The following PLAAT5 variants were observed in gnomAD, a reference collection of about 807,000 sequenced individuals.
PLAAT5 encodes the protein Ca(2+)-independent N-acyltransferase.
Under a neutral mutation model 27.8 loss-of-function variants are expected in PLAAT5, and 27 were observed. That is an observed-to-expected ratio of 0.97 (90% CI 0.72 to 1.34). The LOEUF (loss-of-function observed/expected upper bound fraction) is 1.34, where lower values mean the gene tolerates loss of function less well. Ranked by LOEUF, PLAAT5 falls within the 40% of genes most tolerant of loss-of-function variation. The pLI, the probability that PLAAT5 is intolerant of heterozygous loss-of-function variation, is 0.00. For missense variants in PLAAT5, 368 were observed against 343.8 expected, an observed-to-expected ratio of 1.07 and a Z score of -0.56; for synonymous variants, 125 against 136.1, an observed-to-expected ratio of 0.92 and a Z score of 0.57.
chr11:63,468,400 G>C lies in PLAAT5; in HGVS notation c.411C>G (p.Ala137=). 3 of 1,614,128 alleles carry C rather than the reference G, an allele frequency of 1.9e-6. No individual in the cohort carries two copies. Among genetic ancestry groups the C allele is most frequent in the Non-Finnish European group, 2.5e-6 (3 of 1,179,984 alleles). Reference sequence around the variant, plus strand: ...CCACGCAATCATCTTCTACATAGATGGCCCAGTGCTCATAGCCAATTCGAA... The same window carrying C: ...CCACGCAATCATCTTCTACATAGATCGCCCAGTGCTCATAGCCAATTCGAA... ...EIFRIGYEHW[A]IYVEDDCVVH... The change falls in exon 4 of 6, where the codon GCC becomes GCG. Residue 137 remains alanine, a synonymous_variant. Coordinates refer to ENST00000540857, the MANE Select transcript of PLAAT5 (RefSeq NM_001146729.2).
chr11:63,463,058 A>C lies in PLAAT5; in HGVS notation c.*445T>G, dbSNP rs1433420529. ...GTGGGTCGAAAAGGGCAGGATTATC[A>C]TAAATGGAAAGAAGCTAGAGACATT... On this transcript the variant is annotated 3_prime_UTR_variant, in exon 6 of 6. Transcript: ENST00000540857. 6.3e-6 allele frequency: 1 copy of C among 159,660 alleles called. No individual in the cohort carries two copies. The highest frequency in any genetic ancestry group is 1.8e-4 in the East Asian group (1 of 5,696). 9.9% of individuals were successfully genotyped at this position (159,660 alleles called of 1,614,324 possible).
chr11:63,490,353 G>T lies in PLAAT5; in HGVS notation c.149-20C>A, dbSNP rs1156270351. The T allele has an allele frequency of 1.2e-5, 20 of 1,614,124 alleles. No homozygotes were observed. The highest frequency in any genetic ancestry group is 1.7e-5 in the Non-Finnish European group (20 of 1,180,024). On this transcript the variant is annotated intron_variant, in intron 1 of 5. Transcript: ENST00000540857. ...ATTCTTCTAATTCAAGGGGGGAAATGCTATTTAGACCTGTGAAAGGAGAGT... is the reference window on the plus strand; with the variant it reads ...ATTCTTCTAATTCAAGGGGGGAAATTCTATTTAGACCTGTGAAAGGAGAGT...
chr11:63,473,571 A>G (rs2016081298), intron 3 of PLAAT5, among the ~76,000 whole-genome samples: 1 of 152,136 alleles, frequency 6.6e-6, no homozygotes, highest in Non-Finnish European at 1.5e-5. Context: ...CAAGTTGAGG[A>G]AACTCCCTTT....
intron 3 of PLAAT5, among the ~76,000 whole-genome samples, chr11:63,474,346 A>T (rs1005647950): frequency 6.6e-6 from 1 of 152,176 alleles, no homozygotes; most frequent in African/African-American, 2.4e-5. Context: ...TTTCTTTGTG[A>T]AAAGATTTTT....
chr11:63,476,146 C>T (rs1025638827), intron 3 of PLAAT5, among the ~76,000 whole-genome samples: 1 of 152,096 alleles, frequency 6.6e-6, no homozygotes, highest in East Asian at 1.9e-4. Flanking sequence ...TCATTTCAGT[C>T]CCTCTCCTTT....
Position 63,466,234 on chromosome 11 carries a change from G to A in PLAAT5, c.593C>T (p.Pro198Leu), listed in dbSNP as rs80217781. 61 of 1,614,054 alleles carry A rather than the reference G, an allele frequency of 3.8e-5. No individual in the cohort carries two copies. The highest frequency in any genetic ancestry group is 6.6e-5 in the South Asian group (6 of 91,074). ...TGTACGCTGGATGATCTTGTCCACC[G>A]GCAAGGGCAGGTACGTCCCATCTAG... ...NKLDGTYLPL[P>L]VDKIIQRTKK... The change falls in exon 5 of 6, where the codon CCG becomes CTG. Residue 198 changes from proline to leucine, a missense_variant. By Grantham distance (98) the Pro-to-Leu change is moderately conservative. Coordinates refer to ENST00000540857, the MANE Select transcript of PLAAT5 (RefSeq NM_001146729.2).
chr11:63,476,148 C>G (rs868112859), intron 3 of PLAAT5, among the ~76,000 whole-genome samples: 21 of 152,028 alleles, frequency 1.4e-4, no homozygotes, highest in African/African-American at 4.6e-4. Flanking sequence ...ATTTCAGTCC[C>G]TCTCCTTTGT....
chr11:63,471,358 G>A (rs1219805344), intron 3 of PLAAT5, among the ~76,000 whole-genome samples: 1 of 152,134 alleles, frequency 6.6e-6, no homozygotes, highest in African/African-American at 2.4e-5. Context: ...TAATTACAAA[G>A]TATTTGTTTT....
chr11:63,463,266 A>G lies in PLAAT5; in HGVS notation c.*237T>C, dbSNP rs2120192908. On this transcript the variant is annotated 3_prime_UTR_variant, in exon 6 of 6. Transcript: ENST00000540857. ...GATCCGTATATGAAATGCCTAGCAC[A>G]GTGCCTGGCGCATAAGAGATACACA... 3.7e-6 allele frequency: 2 copies of G among 546,226 alleles called. No individual in the cohort carries two copies. 33.8% of individuals were successfully genotyped at this position (546,226 alleles called of 1,614,324 possible).
chr11:63,466,297 T>A lies in PLAAT5; in HGVS notation c.530A>T (p.Asp177Val). Residue 177 changes from aspartate (D) to valine (V), a missense_variant, in exon 5 of 6, where the codon GAT becomes GTT. Physicochemically the swap from Asp to Val is radical, Grantham distance 152. Coordinates refer to ENST00000540857, the MANE Select transcript of PLAAT5 (RefSeq NM_001146729.2). Reference protein sequence around the residue: ...RAVVKYSRLEDVLHGCSWKVN... With the variant: ...RAVVKYSRLEVVLHGCSWKVN... ...CTTCCAGGAGCAGCCATGCAGCACA[T>A]CCTCCAGACGACTGTATTTCACCAC... The A allele has an allele frequency of 1.2e-6, 2 of 1,614,100 alleles. No individual in the cohort carries two copies. The highest frequency in any genetic ancestry group is 2.2e-5 in the South Asian group (2 of 91,082).
chr11:63,471,478 G>A (rs764161542), intron 3 of PLAAT5, among the ~76,000 whole-genome samples: 4 of 152,080 alleles, frequency 2.6e-5, no homozygotes, highest in Non-Finnish European at 5.9e-5. Flanking sequence ...ATCCATTATT[G>A]TTGCATCAGA....
chr11:63,490,895 G>A lies in PLAAT5; in HGVS notation c.140C>T (p.Pro47Leu). The change falls in exon 1 of 6, where the codon CCC becomes CTC. Residue 47 changes from proline (P) to leucine (L), a missense_variant. Physicochemically the swap from Pro to Leu is moderately conservative, Grantham distance 98. Transcript: ENST00000540857. ...QPPALRRSAV[P>L]HSEESVGFAA... is the part of the protein sequence containing the mutation. ...GCATTCTTGGGGCTGACCTGAGTGG[G>A]GCACAGCTGAACGTCTGAGCGCAGG... The A allele has an allele frequency of 6.2e-7, 1 of 1,604,864 alleles. No individual in the cohort carries two copies. Among genetic ancestry groups the A allele is most frequent in the South Asian group, 1.1e-5 (1 of 89,964 alleles).
intron 3 of PLAAT5, among the ~76,000 whole-genome samples, chr11:63,475,472 G>A (rs1037005324): frequency 1.2e-4 from 18 of 151,860 alleles, no homozygotes; most frequent in African/African-American, 1.7e-4. Context: ...CTCCTGCTAC[G>A]GCTACTGTTT....
intron 3 of PLAAT5, among the ~76,000 whole-genome samples, chr11:63,481,166 G>A (rs1189267819): frequency 1.3e-5 from 2 of 152,194 alleles, no homozygotes; most frequent in Non-Finnish European, 2.9e-5. Context: ...TGGGCTGGGT[G>A]TGGTGGCTCA....
intron 3 of PLAAT5, among the ~76,000 whole-genome samples, chr11:63,477,353 GT>G (rs1177590167): frequency 6.6e-6 from 1 of 152,146 alleles, no homozygotes; most frequent in Non-Finnish European, 1.5e-5. Context: ...GCGGACGGTT[GT>G]TGCTGTTTGC....
At chr11:63,471,282 C>G (rs1333054719) in intron 3 of PLAAT5, among the ~76,000 whole-genome samples, 1 of 152,082 alleles carries the variant, frequency 6.6e-6, no homozygotes, top group Non-Finnish European at 1.5e-5. Flanking sequence ...TAATTCAAAG[C>G]CAAAACTGTC....
At chr11:63,468,152 C>G (rs1376404562) in intron 4 of PLAAT5, among the ~76,000 whole-genome samples, 1 of 152,222 alleles carries the variant, frequency 6.6e-6, no homozygotes, top group Non-Finnish European at 1.5e-5. Context: ...GCTCTTTACA[C>G]TTGTATCACT....
chr11:63,464,636 ACAGAGCAAGACT>A (rs1465212642), intron 5 of PLAAT5, among the ~76,000 whole-genome samples: 1 of 151,004 alleles, frequency 6.6e-6, no homozygotes, highest in East Asian at 2.0e-4. Context: ...AGTCTGGGTG[ACAGAGCAAGACT>A]CTGTCTCAAA....
At position 63,468,129 on chromosome 11, in the gene PLAAT5, G is replaced by A. The variant is rs575655062; in HGVS notation, c.454+228C>T. Among the ~76,000 whole-genome samples the A allele has an allele frequency of 3.9e-5, 6 of 152,322 alleles. No homozygotes were observed. In the South Asian group the frequency reaches 1.2e-3, roughly 32 times the overall value. ...ACAAAGGGCCCTCTAGGAGGTCAGG[G>A]AACTTGGGCCACGCTCTTTACACTT... On this transcript the variant is annotated intron_variant, in intron 4 of 5. Transcript: ENST00000540857.
Sources: allele counts gnomAD v4.1 joint callset (sites outside exome capture counted in the v4.1 genomes callset), GRCh38; gene constraint gnomAD v4.1.1; transcripts MANE v1.5; gene names NCBI Gene and HGNC (gene_info 2026-07-23, HGNC 2026-07-21).